Variants in CDKAL1 observed in about 807,000 individuals in gnomAD.
CDKAL1 encodes threonylcarbamoyladenosine tRNA methylthiotransferase.
In CDKAL1, 32 loss-of-function variants were observed where a neutral mutation model predicts 68.2. That is an observed-to-expected ratio of 0.47 (90% confidence interval 0.35 to 0.63). The LOEUF is 0.63. Ranked by LOEUF, CDKAL1 falls within the 30% of genes least tolerant of loss-of-function variation. The pLI is 0.00. For synonymous variants in CDKAL1, 234 were observed against 244.3 expected, an observed-to-expected ratio of 0.96 and a Z score of 0.39; for missense variants, 606 against 696.7, an observed-to-expected ratio of 0.87 and a Z score of 1.47.
chr6:20,946,821 T>C (rs1231686873), intron 9 of CDKAL1, among the ~76,000 whole-genome samples: 1 of 152,094 alleles, frequency 6.6e-6, no homozygotes, highest in Non-Finnish European at 1.5e-5. Flanking sequence ...GGTCTCCAAC[T>C]CCTGACCTCA....
intron 5 of CDKAL1, among the ~76,000 whole-genome samples, chr6:20,715,918 G>C (rs1180653067): frequency 6.6e-6 from 1 of 152,120 alleles, no homozygotes; most frequent in East Asian, 1.9e-4. Flanking sequence ...TTTGTTGTGG[G>C]TTTATTTTCT....
At chr6:20,823,117 C>T (rs773632602) in intron 8 of CDKAL1, among the ~76,000 whole-genome samples, 1 of 152,070 alleles carries the variant, frequency 6.6e-6, no homozygotes, top group Non-Finnish European at 1.5e-5. Flanking sequence ...AGTTGATGTC[C>T]GTCCCTTTCT....
chr6:20,905,800 A>G (rs1762204935), intron 9 of CDKAL1, among the ~76,000 whole-genome samples: 1 of 152,110 alleles, frequency 6.6e-6, no homozygotes, highest in African/African-American at 2.4e-5. Context: ...AAAAAGAAAA[A>G]AACAAAACAA....
At chr6:20,706,190 T>C (rs1296187278) in intron 5 of CDKAL1, among the ~76,000 whole-genome samples, 1 of 152,164 alleles carries the variant, frequency 6.6e-6, no homozygotes, top group Non-Finnish European at 1.5e-5. Context: ...CAAGATTCCT[T>C]TGCCTTCATT....
intron 9 of CDKAL1, among the ~76,000 whole-genome samples, chr6:20,937,873 TTC>T (rs66712840): frequency 0.012 from 1,880 of 151,702 alleles, 16 homozygotes; most frequent in Middle Eastern, 0.054. Context: ...TTTTTTTTTT[TTC>T]ATTTTAATTA....
intron 13 of CDKAL1, among the ~76,000 whole-genome samples, chr6:21,144,393 A>G (rs1038160121): frequency 6.6e-6 from 1 of 152,186 alleles, no homozygotes; most frequent in African/African-American, 2.4e-5. Context: ...ATTGAATGCT[A>G]AATACTGTGC....
intron 5 of CDKAL1, among the ~76,000 whole-genome samples, chr6:20,706,588 A>G (rs1490371741): frequency 6.6e-6 from 1 of 152,208 alleles, no homozygotes. Context: ...TAACTTTACA[A>G]CTAGGGAGAT....
At chr6:20,626,041 G>A (rs1767417531) in intron 4 of CDKAL1, among the ~76,000 whole-genome samples, 1 of 152,164 alleles carries the variant, frequency 6.6e-6, no homozygotes, top group Admixed American at 6.5e-5. Context: ...TCCCACGGAT[G>A]TGAATAAGTT....
chr6:20,587,459 A>G (rs1258909592), intron 4 of CDKAL1, among the ~76,000 whole-genome samples: 2 of 151,790 alleles, frequency 1.3e-5, no homozygotes, highest in African/African-American at 4.8e-5. Flanking sequence ...TGGGCTGGGC[A>G]TGGTGGCTCA....
chr6:20,709,287 T>C (rs1240432809), intron 5 of CDKAL1, among the ~76,000 whole-genome samples: 1 of 152,092 alleles, frequency 6.6e-6, no homozygotes, highest in Non-Finnish European at 1.5e-5. Flanking sequence ...GAGATTCTAT[T>C]TGTAATACTG....
intron 7 of CDKAL1, among the ~76,000 whole-genome samples, chr6:20,779,971 G>A (rs1487960349): frequency 6.6e-6 from 1 of 151,978 alleles, no homozygotes; most frequent in Non-Finnish European, 1.5e-5. Flanking sequence ...GGTCTAGGCT[G>A]TGTGCGGTGG....
chr6:21,057,655 T>C lies in CDKAL1; in HGVS notation c.1056-7393T>C, dbSNP rs1380043327. Among the ~76,000 whole-genome samples the C allele has an allele frequency of 2.8e-5, 4 of 142,124 alleles. 1 individual carries two copies. The East Asian group carries it at 8.0e-4, about 28-fold the overall frequency. 93.2% of individuals were successfully genotyped at this position (142,124 alleles called of 152,430 possible). A position where few individuals can be genotyped will look rare whatever the true frequency, so the allele number is the denominator to read the frequency against. Reference sequence around the variant, plus strand: ...CTTTCTAGCTTTTTGATCTGGGCATTTAGTGCTATAAATTTTCCTCTTAAC... The same window carrying C: ...CTTTCTAGCTTTTTGATCTGGGCATCTAGTGCTATAAATTTTCCTCTTAAC... On this transcript the variant is annotated intron_variant, in intron 11 of 15. Coordinates refer to ENST00000274695, the MANE Select transcript of CDKAL1 (RefSeq NM_017774.3).
At chr6:20,727,640 C>T (rs920084004) in intron 5 of CDKAL1, among the ~76,000 whole-genome samples, 1 of 152,142 alleles carries the variant, frequency 6.6e-6, no homozygotes, top group African/African-American at 2.4e-5. Flanking sequence ...GAGAGGGAGA[C>T]ACCTTTACAA....
rs377690139 is a variant in CDKAL1, at chr6:20,697,529, A to T, written c.372-41990A>T. The stretch of plus-strand genomic sequence containing the variant: ...CATTGGTGGACTTGATTTTTTCAGG[A>T]CTCTGGTTCTTGATTATTTTTGAGG... On this transcript the variant is annotated intron_variant, in intron 5 of 15. Transcript: ENST00000274695. Among the ~76,000 whole-genome samples the T allele has an allele frequency of 6.2e-4, 94 of 152,206 alleles. 1 individual carries two copies. The highest frequency in any genetic ancestry group is 3.9e-3 in the Admixed American group (60 of 15,286).
intron 12 of CDKAL1, among the ~76,000 whole-genome samples, chr6:21,075,482 G>GA (rs1206939259): frequency 2.0e-5 from 3 of 150,736 alleles, no homozygotes; most frequent in Admixed American, 6.6e-5. Flanking sequence ...ATTGCCTACT[G>GA]AAAAAAAAGA....
chr6:21,017,709 ATTG>A (rs1399137537), intron 11 of CDKAL1, among the ~76,000 whole-genome samples: 1 of 152,102 alleles, frequency 6.6e-6, no homozygotes, highest in Admixed American at 6.6e-5. Flanking sequence ...CAGTGATTTC[ATTG>A]TTATTATTAT....
intron 7 of CDKAL1, among the ~76,000 whole-genome samples, chr6:20,771,193 A>G (rs1330742549): frequency 6.6e-6 from 1 of 152,206 alleles, no homozygotes; most frequent in Non-Finnish European, 1.5e-5. Flanking sequence ...GTACATTAAT[A>G]CAGTGACTTA....
chr6:20,920,118 A>G (rs1333385464), intron 9 of CDKAL1, among the ~76,000 whole-genome samples: 3 of 152,162 alleles, frequency 2.0e-5, no homozygotes, highest in African/African-American at 4.8e-5. Context: ...CCTTTCCTGT[A>G]TGATTACTCA....
chr6:20,654,333 C>T (rs1768925278), intron 5 of CDKAL1, among the ~76,000 whole-genome samples: 1 of 150,520 alleles, frequency 6.6e-6, no homozygotes, highest in South Asian at 2.1e-4. Context: ...TTATTTGTGG[C>T]CATATATTAT....
Sources: allele counts gnomAD v4.1 joint callset (sites outside exome capture counted in the v4.1 genomes callset), GRCh38; gene constraint gnomAD v4.1.1; transcripts MANE v1.5; gene names NCBI Gene and HGNC (gene_info 2026-07-23, HGNC 2026-07-21).